The following GRID2 variants were observed in gnomAD, a reference collection of about 807,000 sequenced individuals.
GRID2 encodes the protein glutamate receptor ionotropic, delta-2.
GRID2 carries 33 observed loss-of-function variants against 114.8 expected under a neutral mutation model. That is an observed-to-expected ratio of 0.29 (90% CI 0.22 to 0.38). The LOEUF is 0.38. Among genes scored for constraint, GRID2 ranks in the 10% least tolerant of loss-of-function variants. The pLI, the probability that GRID2 is intolerant of heterozygous loss-of-function variation, is 1.00. For synonymous variants in GRID2, 505 were observed against 449.9 expected, an observed-to-expected ratio of 1.12 and a Z score of -1.55; for missense variants, 1,184 against 1,257.7, an observed-to-expected ratio of 0.94 and a Z score of 0.89.
At chr4:93,568,633 A>G (rs1209924790) in intron 13 of GRID2, among the ~76,000 whole-genome samples, 1 of 152,160 alleles carries the variant, frequency 6.6e-6, no homozygotes, top group African/African-American at 2.4e-5. Flanking sequence ...CAACATCATA[A>G]CCATCATTGT....
rs796598157 is a variant in GRID2, at chr4:92,452,841, C to CAT, written c.89-137279_89-137278dup. ...ATGTTTACCATATATATATATTTACCATATATATATATTTACCATATATAT... is the reference window on the plus strand; with the variant it reads ...ATGTTTACCATATATATATATTTACCATATATATATATATTTACCATATATAT... On this transcript the variant is annotated intron_variant, in intron 1 of 15. Transcript: ENST00000282020. Among the ~76,000 whole-genome samples, 87 of 144,108 alleles carry CAT rather than the reference C, an allele frequency of 6.0e-4. 1 individual carries two copies. The East Asian group carries it at 7.7e-3, about 13-fold the overall frequency. 94.5% of individuals were successfully genotyped at this position (144,108 alleles called of 152,430 possible).
At chr4:92,988,845 G>C (rs1236401034) in intron 2 of GRID2, among the ~76,000 whole-genome samples, 1 of 152,172 alleles carries the variant, frequency 6.6e-6, no homozygotes, top group African/African-American at 2.4e-5. Context: ...TTTGGGAACT[G>C]TAAGGTCTAA....
rs562993226 is a variant in GRID2 at position 93,772,378 on chromosome 4, G to A, written c.2904G>A (p.Arg968=). Residue 968 remains arginine, a synonymous_variant, in exon 16 of 16, where the codon AGG becomes AGA. Coordinates refer to ENST00000282020, the MANE Select transcript of GRID2 (RefSeq NM_001510.4). ...ACCGAACTGGCCCTTTTAGGCACAG[G>A]GCACCTAATGGGGGCTTTTTCAGGA... ...PEHRTGPFRH[R]APNGGFFRSP... 1.1e-5 allele frequency: 18 copies of A among 1,613,944 alleles called. No homozygotes were observed. Among genetic ancestry groups the A allele is most frequent in the South Asian group, 4.4e-5 (4 of 91,076 alleles).
intron 13 of GRID2, among the ~76,000 whole-genome samples, chr4:93,608,296 C>T (rs28621531): frequency 0.015 from 1,690 of 116,534 alleles, 22 homozygotes; most frequent in Middle Eastern, 0.047. Flanking sequence ...ATTTTTTTTT[C>T]TTTTTTTTTT....
intron 10 of GRID2, among the ~76,000 whole-genome samples, chr4:93,429,434 G>A (rs538110383): frequency 1.6e-3 from 247 of 152,218 alleles, no homozygotes; most frequent in African/African-American, 5.6e-3. Context: ...TTCCTTTGGG[G>A]TTTATATGAA....
At chr4:93,534,005 C>T (rs138449980) in intron 13 of GRID2, among the ~76,000 whole-genome samples, 1 of 152,224 alleles carries the variant, frequency 6.6e-6, no homozygotes, top group Non-Finnish European at 1.5e-5. Flanking sequence ...GGTTTCTTTG[C>T]TGTTTCTTGG....
chr4:92,319,316 T>G (rs1726182739), intron 1 of GRID2, among the ~76,000 whole-genome samples: 1 of 152,198 alleles, frequency 6.6e-6, no homozygotes, highest in African/African-American at 2.4e-5. Flanking sequence ...CAAAGTAAGA[T>G]GTACTGTAAT....
At chr4:93,274,593 T>C (rs1458842432) in intron 8 of GRID2, among the ~76,000 whole-genome samples, 4 of 152,110 alleles carry the variant, frequency 2.6e-5, no homozygotes, top group Non-Finnish European at 5.9e-5. Context: ...TGAAAAATGC[T>C]CATAGACACT....
At chr4:92,745,792 T>A (rs1737123230) in intron 2 of GRID2, among the ~76,000 whole-genome samples, 1 of 152,068 alleles carries the variant, frequency 6.6e-6, no homozygotes, top group South Asian at 2.1e-4. Flanking sequence ...GTTTATAATA[T>A]ATTTAAATAC....
At chr4:93,324,045 C>T (rs753848632) in intron 8 of GRID2, among the ~76,000 whole-genome samples, 1 of 152,140 alleles carries the variant, frequency 6.6e-6, no homozygotes, top group African/African-American at 2.4e-5. Flanking sequence ...GTATTTCTTT[C>T]TCCTGCCTAA....
chr4:93,274,079 T>A (rs535046364), intron 8 of GRID2, among the ~76,000 whole-genome samples: 6 of 152,252 alleles, frequency 3.9e-5, no homozygotes, highest in African/African-American at 1.4e-4. Flanking sequence ...ACTTCATATA[T>A]TTTTGTAACT....
chr4:93,036,517 T>C (rs1410104467), intron 2 of GRID2, among the ~76,000 whole-genome samples: 1 of 152,142 alleles, frequency 6.6e-6, no homozygotes, highest in African/African-American at 2.4e-5. Context: ...ATCAAAATAA[T>C]TTAAAATATA....
intron 4 of GRID2, among the ~76,000 whole-genome samples, chr4:93,123,640 C>G (rs1733995769): frequency 6.6e-6 from 1 of 152,084 alleles, no homozygotes; most frequent in African/African-American, 2.4e-5. Context: ...TAAATTACTC[C>G]TCTCTACTCC....
intron 2 of GRID2, among the ~76,000 whole-genome samples, chr4:92,886,384 G>A (rs1746368598): frequency 6.6e-6 from 1 of 151,950 alleles, no homozygotes. Context: ...GGAGATGCTG[G>A]AAAAATGGGC....
intron 14 of GRID2, among the ~76,000 whole-genome samples, chr4:93,648,874 CA>C (rs1272340156): frequency 1.3e-5 from 2 of 151,988 alleles, no homozygotes. Flanking sequence ...ATTTCATATG[CA>C]AACACATACA....
chr4:92,410,194 C>T (rs1404319651), intron 1 of GRID2, among the ~76,000 whole-genome samples: 1 of 152,154 alleles, frequency 6.6e-6, no homozygotes, highest in East Asian at 1.9e-4. Context: ...GAACACGCTT[C>T]AACTTCTTTG....
chr4:93,648,972 G>A (rs905523127), intron 14 of GRID2, among the ~76,000 whole-genome samples: 4 of 152,076 alleles, frequency 2.6e-5, no homozygotes, highest in African/African-American at 9.7e-5. Flanking sequence ...AGATTATAAA[G>A]CAAAGCTTAG....
chr4:93,686,246 T>G (rs1726069473), intron 14 of GRID2, among the ~76,000 whole-genome samples: 1 of 151,970 alleles, frequency 6.6e-6, no homozygotes, highest in South Asian at 2.1e-4. Flanking sequence ...GCCCCCAGCT[T>G]CCACTCTGTA....
At chr4:93,615,146 A>G (rs910132227) in intron 13 of GRID2, among the ~76,000 whole-genome samples, 1 of 152,232 alleles carries the variant, frequency 6.6e-6, no homozygotes, top group African/African-American at 2.4e-5. Flanking sequence ...TTCAATTATT[A>G]GCAATAATGT....
Sources: allele counts gnomAD v4.1 joint callset (sites outside exome capture counted in the v4.1 genomes callset), GRCh38; gene constraint gnomAD v4.1.1; transcripts MANE v1.5; gene names NCBI Gene and HGNC (gene_info 2026-07-23, HGNC 2026-07-21).